Variants in POLA2 observed in about 807,000 individuals in gnomAD.
POLA2 encodes the protein DNA polymerase alpha subunit B.
In POLA2, 47 loss-of-function variants were observed where a neutral mutation model predicts 82.8. The observed-to-expected ratio is 0.57, with a 90% CI of 0.45 to 0.72. POLA2 has a LOEUF of 0.72. POLA2 is among the 30% of genes least tolerant of loss of function. The pLI, the probability that POLA2 is intolerant of heterozygous loss-of-function variation, is 0.00. For missense variants in POLA2, 634 were observed against 728.1 expected (o/e 0.87, Z 1.49); for synonymous variants, 287 against 286.8 (o/e 1.00, Z -0.01).
rs770928181 is a variant in POLA2 at position 65,289,912 on chromosome 11, AG to A, written c.1244+42del. Reference sequence around the variant, plus strand: ...TACTGGACAGAACCTTAAGCTTCTTAGGTTTCTCCAGAGCTTCCCATTAAGA... The same window carrying A: ...TACTGGACAGAACCTTAAGCTTCTTAGTTTCTCCAGAGCTTCCCATTAAGA... On this transcript the variant is annotated intron_variant, in intron 13 of 17. Transcript: ENST00000265465. 4.6e-6 allele frequency: 6 copies of A among 1,313,168 alleles called. No individual in the cohort carries two copies. The South Asian group carries it at 7.2e-5, about 16-fold the overall frequency. 81.3% of individuals were successfully genotyped at this position (1,313,168 alleles called of 1,614,324 possible).
chr11:65,296,093 A>T, intron 17 of POLA2, 103 bp downstream of exon 17: 108 of 1,270,760 alleles, frequency 8.5e-5, no homozygotes, highest in Middle Eastern at 4.0e-4. Context: ...GCTGATGGGG[A>T]TGGGGCCTCT....
chr11:65,305,426 G>A (rs1335873864), exon 9 of POLA2: 1 of 455,998 alleles, frequency 2.2e-6, no homozygotes, highest in East Asian at 6.9e-5. Flanking sequence ...AGGGGCTGGT[G>A]AGCCTGAGGA....
At chr11:65,265,916 C>G (rs1949455438) in intron 1 of POLA2, among the ~76,000 whole-genome samples, 1 of 152,220 alleles carries the variant, frequency 6.6e-6, no homozygotes, top group African/African-American at 2.4e-5. Context: ...CCTTGGCGAT[C>G]TCACCTGGGG....
intron 4 of POLA2, 43 bp from the exon 5 acceptor site, chr11:65,275,849 G>A (rs779247587): frequency 9.1e-7 from 1 of 1,096,174 alleles, no homozygotes; most frequent in Admixed American, 1.8e-5. Flanking sequence ...ATTAGTATTG[G>A]GTCTAGTAGG....
At chr11:65,282,368 C>T (rs1022232699) in intron 9 of POLA2, 111 bp from the exon 10 acceptor site, 2 of 837,340 alleles carry the variant, frequency 2.4e-6, no homozygotes, top group Middle Eastern at 4.7e-4. Flanking sequence ...CGCTCCTCCC[C>T]ACTGTCCTCC....
chr11:65,275,170 C>T (rs1949563562), intron 4 of POLA2, among the ~76,000 whole-genome samples: 1 of 152,192 alleles, frequency 6.6e-6, no homozygotes, highest in South Asian at 2.1e-4. Flanking sequence ...TGCAATATAA[C>T]TTCTTAAACT....
chr11:65,273,730 G>A (rs963576736), intron 4 of POLA2, among the ~76,000 whole-genome samples: 9 of 151,920 alleles, frequency 5.9e-5, no homozygotes, highest in Admixed American at 3.3e-4. Context: ...CTGAGCTCAA[G>A]TGATCCTCCT....
rs1045377455 is a variant in POLA2 at position 65,262,030 on chromosome 11, C to G, written c.-263C>G. ...AAGCAGGACGTTCTCACCAGGAGAG[C>G]GTCCTCTCGAGATTTCTGCTCCCTC... On this transcript the variant is annotated 5_prime_UTR_variant, in exon 1 of 18. Coordinates refer to ENST00000265465, the MANE Select transcript of POLA2 (RefSeq NM_002689.4). 1.9e-6 allele frequency: 1 copy of G among 534,752 alleles called. No homozygotes were observed. Among genetic ancestry groups the G allele is most frequent in the Non-Finnish European group, 3.3e-6 (1 of 302,114 alleles). The allele number at this position is 534,752 out of a possible 1,614,324, so 33.1% of individuals were successfully genotyped here.
chr11:65,286,879 A>C (rs141226254), intron 10 of POLA2, among the ~76,000 whole-genome samples: 4 of 152,340 alleles, frequency 2.6e-5, no homozygotes, highest in Non-Finnish European at 5.9e-5. Flanking sequence ...CAGACTGGAC[A>C]CGTGGCTAGA....
intron 12 of POLA2, 32 bp from the exon 13 acceptor site, chr11:65,289,767 C>A: frequency 1.4e-6 from 2 of 1,420,506 alleles, no homozygotes; most frequent in South Asian, 1.2e-5. Context: ...AAACATCTGC[C>A]GTCTAAATCT....
chr11:65,305,057 T>C (rs1226709519), intron 8 of POLA2, among the ~76,000 whole-genome samples: 1 of 128,136 alleles, frequency 7.8e-6, no homozygotes, highest in East Asian at 2.7e-4. Context: ...TGGCCCTCCA[T>C]GGGGGCTAAC....
At chr11:65,283,283 A>G (rs1949660467) in intron 10 of POLA2, among the ~76,000 whole-genome samples, 2 of 152,136 alleles carry the variant, frequency 1.3e-5, no homozygotes, top group African/African-American at 4.8e-5. Flanking sequence ...CTAACACTCA[A>G]CCTCGAGAAT....
chr11:65,287,943 A>G, intron 11 of POLA2, 103 bp downstream of exon 11: 1 of 1,123,946 alleles, frequency 8.9e-7, no homozygotes, highest in Non-Finnish European at 1.3e-6. Context: ...CCTTTTAGAA[A>G]ATATCTTTTC....
Position 65,294,146 on chromosome 11 carries a change from A to G in POLA2, c.1245-7A>G, listed in dbSNP as rs533003972. On this transcript the variant is annotated splice_region_variant and splice_polypyrimidine_tract_variant and intron_variant, in intron 13 of 17. Coordinates refer to ENST00000265465, the MANE Select transcript of POLA2 (RefSeq NM_002689.4). ...TCACTCTTCTGTTTGTTCTTTTGCCATACTAGCTCCGGCTCCCACCTTGTC... is the reference window on the plus strand; with the variant it reads ...TCACTCTTCTGTTTGTTCTTTTGCCGTACTAGCTCCGGCTCCCACCTTGTC... The G allele has an allele frequency of 1.3e-5, 21 of 1,612,162 alleles. No individual in the cohort carries two copies. The highest frequency in any genetic ancestry group is 1.7e-5 in the Non-Finnish European group (20 of 1,178,390).
chr11:65,300,737 C>T (rs1197299504), downstream of POLA2, among the ~76,000 whole-genome samples: 3 of 152,134 alleles, frequency 2.0e-5, no homozygotes, highest in East Asian at 1.9e-4. Flanking sequence ...CACCCGCCAC[C>T]GTGCCAACTG....
Position 65,295,955 on chromosome 11 carries a change from CTCA to C in POLA2, c.1618_1620del (p.Ile540del), listed in dbSNP as rs1439340068. On this transcript the variant is annotated inframe_deletion, in exon 17 of 18. Transcript: ENST00000265465. ...ACAGCTGCCTGTCACCCCAGATGTC[CTCA>C]TCATCCCGTCAGAGCTGAGGTACTT... The C allele has an allele frequency of 3.1e-6, 5 of 1,614,074 alleles. No homozygotes were observed. The highest frequency in any genetic ancestry group is 4.5e-5 in the East Asian group (2 of 44,906).
intron 2 of POLA2, among the ~76,000 whole-genome samples, chr11:65,267,043 T>A (rs924230709): frequency 1.2e-4 from 18 of 152,092 alleles, no homozygotes; most frequent in Admixed American, 1.2e-3. Flanking sequence ...CTGTCTCTAC[T>A]AAAAATACAA....
chr11:65,288,517 T>G (rs1455991912), intron 11 of POLA2, among the ~76,000 whole-genome samples: 1 of 148,068 alleles, frequency 6.8e-6, no homozygotes, highest in African/African-American at 2.5e-5. Context: ...TTTTTGTTTT[T>G]TTTTTTTTTT....
rs765304533 is a variant in POLA2, at chr11:65,276,006, T to A, written c.461+8T>A. On this transcript the variant is annotated splice_region_variant and intron_variant, in intron 5 of 17. Coordinates refer to ENST00000265465, the MANE Select transcript of POLA2 (RefSeq NM_002689.4). ...GTCAAGTTTCTCTCCAAGGTATGGA[T>A]CATAATTCATTCAAGTGCCATAAAG... 7 of 1,535,116 alleles carry A rather than the reference T, an allele frequency of 4.6e-6. No homozygotes were observed. In the South Asian group the frequency reaches 8.3e-5, roughly 18 times the overall value.
Sources: gnomAD v4.1 joint callset for allele counts (sites outside exome capture counted in the v4.1 genomes callset) on GRCh38, gnomAD v4.1.1 for gene constraint, MANE v1.5 for transcripts, NCBI Gene and HGNC (gene_info 2026-07-23, HGNC 2026-07-21) for gene names.